Variants in SYT14 observed in about 807,000 individuals in gnomAD.
SYT14 encodes synaptotagmin-14.
In SYT14, 32 loss-of-function variants were observed where a neutral mutation model predicts 74.2. The observed-to-expected ratio is 0.43, with a 90% CI of 0.33 to 0.58. SYT14 has a LOEUF of 0.58. Among genes scored for constraint, SYT14 ranks in the 20% least tolerant of loss-of-function variants. SYT14 has a pLI of 0.05. For missense variants in SYT14, 791 were observed against 981.8 expected (o/e 0.81, Z 2.60); for synonymous variants, 298 against 337.7 (o/e 0.88, Z 1.29).
rs1037592387 is a variant in SYT14, at chr1:210,005,490, A to T, written c.-485-8143A>T. ...TCTTATTGAAAAGAAAGAAAGAATC[A>T]TTGAAAAAGTAAAGGAGAGGAAGCA... On this transcript the variant is annotated intron_variant, in intron 2 of 9. Transcript: ENST00000637265. Among the ~76,000 whole-genome samples, 3 of 152,072 alleles carry T rather than the reference A, an allele frequency of 2.0e-5. No homozygotes were observed. In the South Asian group the frequency reaches 6.2e-4, roughly 32 times the overall value.
chr1:210,023,891 G>A (rs2080353745), intron 5 of SYT14, among the ~76,000 whole-genome samples: 1 of 152,234 alleles, frequency 6.6e-6, no homozygotes, highest in Admixed American at 6.5e-5. Context: ...TTTTAAGCAG[G>A]AGAGTGTGAT....
At chr1:210,028,034 A>C (rs544885075) in intron 5 of SYT14, among the ~76,000 whole-genome samples, 229 of 152,214 alleles carry the variant, frequency 1.5e-3, no homozygotes, top group African/African-American at 5.2e-3. Flanking sequence ...CTAAACAGAA[A>C]CTTTATACCC....
intron 2 of SYT14, among the ~76,000 whole-genome samples, chr1:209,962,133 C>T (rs963037863): frequency 6.6e-6 from 1 of 151,928 alleles, no homozygotes; most frequent in South Asian, 2.1e-4. Flanking sequence ...TGTGACTAAA[C>T]AGTATGTAAT....
chr1:210,163,503 A>G (rs1201323566), exon 10 of SYT14: 1 of 453,764 alleles, frequency 2.2e-6, no homozygotes, highest in Admixed American at 2.4e-5. Flanking sequence ...ATGTATATGT[A>G]TATTCATTTG....
chr1:209,996,926 C>CA, intron 2 of SYT14, among the ~76,000 whole-genome samples: 1 of 152,032 alleles, frequency 6.6e-6, no homozygotes, highest in East Asian at 1.9e-4. Flanking sequence ...CCCTTCATGA[C>CA]AAAAACCCTC....
rs757260511 is a variant in SYT14 at position 210,021,171 on chromosome 1, A to G, written c.1229A>G (p.Asn410Ser). 5.0e-6 allele frequency: 8 copies of G among 1,613,936 alleles called. No individual in the cohort carries two copies. The African/African-American group carries it at 9.3e-5, about 19-fold the overall frequency. Residue 410 changes from asparagine to serine, a missense_variant, in exon 5 of 10, where the codon AAC becomes AGC. Coordinates refer to ENST00000637265, the Ensembl canonical transcript of SYT14. ...CCACTGGCAGATTCTAGACAAAGGA[A>G]CTATGCTTGGGAAACAAGGCAGAAA...
chr1:210,087,369 G>A (rs1428274228), intron 5 of SYT14, among the ~76,000 whole-genome samples: 2 of 152,122 alleles, frequency 1.3e-5, no homozygotes, highest in East Asian at 3.9e-4. Context: ...TCACCCTCCT[G>A]GATTTTCATA....
At chr1:209,949,136 A>G (rs1438431313) in intron 1 of SYT14, among the ~76,000 whole-genome samples, 1 of 152,232 alleles carries the variant, frequency 6.6e-6, no homozygotes, top group Non-Finnish European at 1.5e-5. Flanking sequence ...TAAAATTTGT[A>G]CAAAGTTCAA....
intron 7 of SYT14, among the ~76,000 whole-genome samples, chr1:210,148,434 G>A (rs540530805): frequency 1.6e-4 from 25 of 151,954 alleles, no homozygotes; most frequent in South Asian, 1.5e-3. Context: ...GTGTGAACCC[G>A]GGAGGCGGAG....
At chr1:210,100,220 A>G (rs1558188742) in exon 7 of SYT14, 1 of 1,614,118 alleles carries the variant, frequency 6.2e-7, no homozygotes, top group Admixed American at 1.7e-5. Flanking sequence ...CTACCTATAA[A>G]GAAACAGAGA....
At chr1:210,051,418 A>G (rs1248273047) in intron 5 of SYT14, among the ~76,000 whole-genome samples, 1 of 152,166 alleles carries the variant, frequency 6.6e-6, no homozygotes, top group Admixed American at 6.6e-5. Context: ...GAGTTTTTCA[A>G]TTTGTTTTTG....
intron 2 of SYT14, among the ~76,000 whole-genome samples, chr1:209,991,310 C>T (rs2079680314): frequency 6.6e-6 from 1 of 152,018 alleles, no homozygotes; most frequent in Non-Finnish European, 1.5e-5. Flanking sequence ...AGCTTCTGCA[C>T]AGTAAAAGAA....
intron 2 of SYT14, among the ~76,000 whole-genome samples, chr1:209,957,929 C>T (rs957299646): frequency 1.3e-5 from 2 of 151,624 alleles, no homozygotes; most frequent in Non-Finnish European, 2.9e-5. Context: ...TCATTCTTTT[C>T]TCTTTCTCCC....
At position 210,142,620 on chromosome 1, in the gene SYT14, A is replaced by G. The variant is rs1003697561; in HGVS notation, c.2035-13101A>G. Among the ~76,000 whole-genome samples the G allele has an allele frequency of 2.0e-5, 3 of 152,286 alleles. No homozygotes were observed. In the South Asian group the frequency reaches 6.2e-4, roughly 32 times the overall value. ...ATCCAAAATGGCCATTCAGTTAAGGAAAACTAAGAACGTTACCAGAAAAAA... is the reference window on the plus strand; with the variant it reads ...ATCCAAAATGGCCATTCAGTTAAGGGAAACTAAGAACGTTACCAGAAAAAA... On this transcript the variant is annotated intron_variant, in intron 7 of 9. Transcript: ENST00000637265.
intron 2 of SYT14, among the ~76,000 whole-genome samples, chr1:209,988,962 C>T (rs1224472550): frequency 2.0e-5 from 3 of 152,174 alleles, no homozygotes; most frequent in Admixed American, 2.0e-4. Context: ...CTTCATACTC[C>T]CAGGTTTATC....
chr1:210,003,264 T>A (rs1323973179), intron 2 of SYT14, among the ~76,000 whole-genome samples: 4 of 152,214 alleles, frequency 2.6e-5, no homozygotes, highest in Non-Finnish European at 5.9e-5. Flanking sequence ...TGGTCTGTTA[T>A]CTATTCCTGT....
chr1:210,081,865 A>G (rs570559104), intron 5 of SYT14, among the ~76,000 whole-genome samples: 1 of 152,334 alleles, frequency 6.6e-6, no homozygotes, highest in South Asian at 2.1e-4. Context: ...TTAAAACCTG[A>G]CAAGCATATG....
chr1:210,131,603 A>G (rs1004570035), intron 7 of SYT14, among the ~76,000 whole-genome samples: 3 of 151,854 alleles, frequency 2.0e-5, no homozygotes, highest in African/African-American at 7.3e-5. Context: ...TTCTATACCT[A>G]TATATTGAAA....
chr1:210,043,800 G>T (rs1337950567), intron 5 of SYT14, among the ~76,000 whole-genome samples: 1 of 152,098 alleles, frequency 6.6e-6, no homozygotes, highest in Non-Finnish European at 1.5e-5. Context: ...GGAATATCTG[G>T]TCTGGAGATA....
Sources: gnomAD v4.1 joint callset for allele counts (sites outside exome capture counted in the v4.1 genomes callset) on GRCh38, gnomAD v4.1.1 for gene constraint, MANE v1.5 for transcripts, NCBI Gene and HGNC (gene_info 2026-07-23, HGNC 2026-07-21) for gene names.